Variants in EFCAB6 observed in about 807,000 individuals in gnomAD.
EFCAB6 encodes the protein EF-hand calcium binding domain 6, also known as EF-hand calcium-binding domain-containing protein 6.
EFCAB6 carries 156 observed loss-of-function variants against 169.8 expected under a neutral mutation model. That is an observed-to-expected ratio of 0.92 (90% CI 0.81 to 1.05). The LOEUF is 1.05. EFCAB6 is among the 50% of genes least tolerant of loss of function. The pLI, the probability that EFCAB6 is intolerant of heterozygous loss-of-function variation, is 0.00. For missense variants in EFCAB6, 1,800 were observed against 1,829.1 expected, an observed-to-expected ratio of 0.98 and a Z score of 0.29; for synonymous variants, 698 against 676.4, an observed-to-expected ratio of 1.03 and a Z score of -0.50.
intron 26 of EFCAB6, among the ~76,000 whole-genome samples, chr22:43,574,956 G>A (rs2050143080): frequency 1.3e-5 from 2 of 152,194 alleles, no homozygotes; most frequent in Admixed American, 1.3e-4. Context: ...GAGAATGCTG[G>A]CCGTTTCTGG....
intron 27 of EFCAB6, among the ~76,000 whole-genome samples, chr22:43,546,552 T>C (rs1241706912): frequency 1.3e-5 from 2 of 152,214 alleles, no homozygotes; most frequent in Non-Finnish European, 2.9e-5. Flanking sequence ...CCAGAAAAGT[T>C]ACCTTGTGAA....
intron 12 of EFCAB6, among the ~76,000 whole-genome samples, chr22:43,681,605 G>C (rs889487755): frequency 2.1e-4 from 32 of 152,050 alleles, no homozygotes; most frequent in African/African-American, 7.7e-4. Context: ...CTATGTATTT[G>C]ATTTTTTAAA....
chr22:43,794,945 G>A (rs2062446239), intron 2 of EFCAB6, among the ~76,000 whole-genome samples: 1 of 152,116 alleles, frequency 6.6e-6, no homozygotes, highest in Non-Finnish European at 1.5e-5. Context: ...AAAAATCTGA[G>A]CTTATAAACT....
At chr22:43,790,246 C>T (rs940501070) in intron 2 of EFCAB6, among the ~76,000 whole-genome samples, 5 of 152,194 alleles carry the variant, frequency 3.3e-5, no homozygotes, top group Non-Finnish European at 7.4e-5. Flanking sequence ...TCAGCAATCC[C>T]ACACACATCC....
intron 21 of EFCAB6, 119 bp downstream of exon 21, chr22:43,615,707 G>C (rs2053638411): frequency 2.6e-6 from 2 of 765,292 alleles, no homozygotes; most frequent in Admixed American, 2.7e-5. Flanking sequence ...TCCTCACACT[G>C]GGTACACAGA....
chr22:43,803,529 T>C (rs924662688), intron 2 of EFCAB6, among the ~76,000 whole-genome samples: 2 of 152,094 alleles, frequency 1.3e-5, no homozygotes, highest in African/African-American at 4.8e-5. Flanking sequence ...AAGCTGGGTA[T>C]AGTTTGGCTT....
intron 27 of EFCAB6, chr22:43,553,168 C>T (rs1232821161): frequency 6.6e-6 from 1 of 152,098 alleles, no homozygotes; most frequent in Non-Finnish European, 1.5e-5. Context: ...AAGGCCTTAC[C>T]CTGCAACTCT....
In EFCAB6 at chr22:43,540,283, G is replaced by T; in HGVS notation, c.3723C>A (p.Phe1241Leu). The stretch of plus-strand genomic sequence containing the variant: ...TTGGTGTGGCTGCTGTCTCGGAACT[G>T]AACCTGCTCAGGAAGTCCGGGTATT... The part of the protein sequence containing the change: ...RLKYPDFLSR[F>L]SSETAATPMA... The change falls in exon 28 of 32, where the codon TTC (phenylalanine) becomes TTA (leucine). Residue 1241 changes from phenylalanine to leucine, a missense_variant. Coordinates refer to ENST00000262726, the MANE Select transcript of EFCAB6 (RefSeq NM_022785.4). 6.2e-7 allele frequency: 1 copy of T among 1,614,236 alleles called. No individual in the cohort carries two copies. The highest frequency in any genetic ancestry group is 1.3e-5 in the African/African-American group (1 of 75,066).
Position 43,678,088 on chromosome 22 carries a change from C to A in EFCAB6, c.1327G>T (p.Glu443Ter), listed in dbSNP as rs6006436. The A allele has an allele frequency of 6.2e-7, 1 of 1,612,762 alleles. No homozygotes were observed. The highest frequency in any genetic ancestry group is 8.5e-7 in the Non-Finnish European group (1 of 1,179,902). The change falls in exon 13 of 32, where the codon GAA becomes TAA. Residue 443 changes from glutamate to a stop codon, truncating the protein, a stop_gained. Transcript: ENST00000262726. LOFTEE classifies it high-confidence loss of function. ...NCMAVKLSDS[E>*]FKELMQMLDP... The stretch of plus-strand genomic sequence containing the variant: ...AGCATTTGCATTAGTTCTTTGAATT[C>A]TGAATCGCTTAGTTTTACAGCCATG...
intron 17 of EFCAB6, among the ~76,000 whole-genome samples, chr22:43,647,243 T>C (rs1409022568): frequency 6.6e-6 from 1 of 151,894 alleles, no homozygotes; most frequent in Non-Finnish European, 1.5e-5. Context: ...GCTACAAACC[T>C]AGAATTTATT....
intron 8 of EFCAB6, among the ~76,000 whole-genome samples, chr22:43,722,529 C>CAAAA (rs71188408): frequency 7.2e-6 from 1 of 139,044 alleles, no homozygotes. Context: ...GACTGCATCT[C>CAAAA]AAAAAAAAAA....
intron 15 of EFCAB6, among the ~76,000 whole-genome samples, chr22:43,669,376 C>T (rs1433478923): frequency 6.6e-6 from 1 of 152,184 alleles, no homozygotes; most frequent in Non-Finnish European, 1.5e-5. Context: ...TGGAATACTA[C>T]TCAGCAGTGA....
chr22:43,633,677 C>T (rs1198074732), intron 18 of EFCAB6, among the ~76,000 whole-genome samples: 1 of 152,234 alleles, frequency 6.6e-6, no homozygotes, highest in Non-Finnish European at 1.5e-5. Context: ...GGACTTGGTT[C>T]CAGACGTGGT....
intron 15 of EFCAB6, among the ~76,000 whole-genome samples, chr22:43,671,023 G>A (rs1278635925): frequency 6.6e-6 from 1 of 152,216 alleles, no homozygotes; most frequent in African/African-American, 2.4e-5. Flanking sequence ...GCTCAGAGAG[G>A]TTAAGTCACT....
chr22:43,686,820 G>A (rs965324388), intron 11 of EFCAB6, among the ~76,000 whole-genome samples: 4 of 152,068 alleles, frequency 2.6e-5, no homozygotes, highest in Non-Finnish European at 5.9e-5. Flanking sequence ...GATTCATAGA[G>A]GGCAATGAAT....
At chr22:43,698,636 A>G (rs753466068) in intron 10 of EFCAB6, among the ~76,000 whole-genome samples, 2 of 152,188 alleles carry the variant, frequency 1.3e-5, no homozygotes, top group African/African-American at 2.4e-5. Context: ...CTAAGAGGAA[A>G]TGTCCTGTGA....
intron 24 of EFCAB6, among the ~76,000 whole-genome samples, chr22:43,582,906 C>T (rs2050823424): frequency 6.6e-6 from 1 of 152,198 alleles, no homozygotes; most frequent in Non-Finnish European, 1.5e-5. Context: ...AAACAACTAC[C>T]TTTTCCCCAT....
chr22:43,804,372 A>T (rs2062835667), intron 2 of EFCAB6, among the ~76,000 whole-genome samples: 1 of 152,254 alleles, frequency 6.6e-6, no homozygotes, highest in African/African-American at 2.4e-5. Context: ...CAAAAAAAAT[A>T]GAAAGACTTC....
In EFCAB6 at chr22:43,626,692, C is replaced by T. The variant is rs368334806; in HGVS notation, c.2233-13G>A. ...CAGAGTAGGGGTCCTAAAAACAAAA[C>T]ACACACGTCAAAGCCCTTCCCCAAG... is the stretch of plus-strand genomic sequence containing the variant. On this transcript the variant is annotated splice_polypyrimidine_tract_variant and intron_variant, in intron 19 of 31. Transcript: ENST00000262726. The T allele has an allele frequency of 6.2e-7, 1 of 1,613,642 alleles. No individual in the cohort carries two copies. The highest frequency in any genetic ancestry group is 1.3e-5 in the African/African-American group (1 of 74,890).
Sources: gnomAD v4.1 joint callset for allele counts (sites outside exome capture counted in the v4.1 genomes callset) on GRCh38, gnomAD v4.1.1 for gene constraint, MANE v1.5 for transcripts, NCBI Gene and HGNC (gene_info 2026-07-23, HGNC 2026-07-21) for gene names.